The following SAMD4A variants were observed in gnomAD, a reference collection of about 807,000 sequenced individuals.
SAMD4A encodes sterile alpha motif domain containing 4A.
SAMD4A carries 33 observed loss-of-function variants against 81.3 expected under a neutral mutation model. The ratio of observed to expected loss-of-function variants is 0.41; its 90% CI spans 0.31 to 0.54. The LOEUF (loss-of-function observed/expected upper bound fraction) is 0.54. Among genes scored for constraint, SAMD4A ranks in the 20% least tolerant of loss-of-function variants. The pLI, the probability that SAMD4A is intolerant of heterozygous loss-of-function variation, is 0.37. For missense variants in SAMD4A, 854 were observed against 951.1 expected, an observed-to-expected ratio of 0.90 and a Z score of 1.34; for synonymous variants, 389 against 382.1, an observed-to-expected ratio of 1.02 and a Z score of -0.21.
At chr14:54,784,449 T>C (rs2039082405) in intron 11 of SAMD4A, 88 bp from the exon 12 acceptor site, 2 of 1,613,316 alleles carry the variant, frequency 1.2e-6, no homozygotes, top group Non-Finnish European at 1.7e-6. Flanking sequence ...CCCAGGGAGG[T>C]ACACCAGACC....
intron 3 of SAMD4A, among the ~76,000 whole-genome samples, chr14:54,735,476 C>T (rs1031420841): frequency 6.6e-6 from 1 of 152,202 alleles, no homozygotes; most frequent in African/African-American, 2.4e-5. Flanking sequence ...ATACTAAACT[C>T]GGTAGCTCTC....
At chr14:54,736,952 G>T in intron 3 of SAMD4A, 72 bp from the exon 4 acceptor site, 1 of 1,526,742 alleles carries the variant, frequency 6.5e-7, no homozygotes, top group Non-Finnish European at 9.0e-7. Flanking sequence ...GGGTTAAGAG[G>T]TATTGTGGGT....
At chr14:54,763,958 C>T (rs57487588) in intron 7 of SAMD4A, among the ~76,000 whole-genome samples, 3,643 of 152,276 alleles carry the variant, frequency 0.024, 126 homozygotes, top group African/African-American at 0.083. Context: ...AGGCCTCCTG[C>T]ACATGTGCAC....
chr14:54,566,639 G>T (rs2032944023), upstream of SAMD4A, among the ~76,000 whole-genome samples: 1 of 151,718 alleles, frequency 6.6e-6, no homozygotes, highest in Non-Finnish European at 1.5e-5. Context: ...CCGTCCCCTC[G>T]CGGGGCGTGT....
At position 54,739,548 on chromosome 14, in the gene SAMD4A, A is replaced by G. The variant is rs144887842; in HGVS notation, c.979+2261A>G. ...AAAAAAAAAAAAGTTTGAAGGAAGA[A>G]ACATTATAGATGATGAAGGATTCTA... On this transcript the variant is annotated intron_variant, in intron 4 of 12. Transcript: ENST00000554335. Among the ~76,000 whole-genome samples the G allele has an allele frequency of 9.8e-5, 15 of 152,312 alleles. No homozygotes were observed. In the East Asian group the frequency reaches 2.9e-3, roughly 29 times the overall value.
intron 2 of SAMD4A, among the ~76,000 whole-genome samples, chr14:54,597,014 A>G (rs914217257): frequency 7.9e-5 from 12 of 152,112 alleles, no homozygotes; most frequent in African/African-American, 2.7e-4. Context: ...GTTTTGTTTC[A>G]TGCCCATTGC....
intron 2 of SAMD4A, among the ~76,000 whole-genome samples, chr14:54,606,384 G>A (rs2034206490): frequency 6.6e-6 from 1 of 152,240 alleles, no homozygotes; most frequent in Non-Finnish European, 1.5e-5. Context: ...TGTTTGCAAA[G>A]TGTTGCTTGG....
chr14:54,717,287 A>T (rs2037142123), intron 3 of SAMD4A, among the ~76,000 whole-genome samples: 1 of 151,914 alleles, frequency 6.6e-6, no homozygotes, highest in Admixed American at 6.6e-5. Flanking sequence ...ACAAAAAAAT[A>T]AAAAATTAGC....
rs1594907536 is a variant in SAMD4A at position 54,760,287 on chromosome 14, C to G, written c.1303C>G (p.Pro435Ala). 1 of 1,611,986 alleles carries G rather than the reference C, an allele frequency of 6.2e-7. No homozygotes were observed. Among genetic ancestry groups the G allele is most frequent in the Non-Finnish European group, 8.5e-7 (1 of 1,179,706 alleles). Reference sequence around the variant, plus strand: ...GGCTCGCCGCCGGGAGCCCCAGGCCCCGCGTCAGCCCTCACTGATGGGCCC... The same window carrying G: ...GGCTCGCCGCCGGGAGCCCCAGGCCGCGCGTCAGCCCTCACTGATGGGCCC... ...PEARRREPQA[P>A]RQPSLMGPES... is the part of the protein sequence containing the mutation. The change falls in exon 7 of 13, where the codon CCG (proline) becomes GCG (alanine). Residue 435 changes from proline to alanine, a missense_variant. Pro to Ala is a conservative substitution (Grantham distance 27). This residue lies in a region of SAMD4A where 428 missense variants were observed against 471.2 expected (regional missense o/e 0.91). Transcript: ENST00000554335.
rs534320294 is a variant in SAMD4A at position 54,780,089 on chromosome 14, C to A, written c.2044+3549C>A. Among the ~76,000 whole-genome samples the A allele has an allele frequency of 4.6e-5, 7 of 152,262 alleles. No homozygotes were observed. The South Asian group carries it at 1.5e-3, about 32-fold the overall frequency. On this transcript the variant is annotated intron_variant, in intron 11 of 12. Transcript: ENST00000554335. Reference sequence around the variant, plus strand: ...TCAACAGTAGGAGATCATGGAGGTTCTTTACCCCCTGGAGGGCCTAACAGA... The same window carrying A: ...TCAACAGTAGGAGATCATGGAGGTTATTTACCCCCTGGAGGGCCTAACAGA...
At chr14:54,730,281 T>C (rs948666802) in intron 3 of SAMD4A, among the ~76,000 whole-genome samples, 1 of 152,208 alleles carries the variant, frequency 6.6e-6, no homozygotes, top group African/African-American at 2.4e-5. Flanking sequence ...CGAGATGTCA[T>C]GGGGGAAAGA....
chr14:54,683,376 T>C (rs998233075), intron 2 of SAMD4A, among the ~76,000 whole-genome samples: 5 of 152,170 alleles, frequency 3.3e-5, no homozygotes, highest in Non-Finnish European at 7.4e-5. Context: ...TCTAAGATCA[T>C]GACTAAAAGG....
chr14:54,688,254 T>C (rs1252598495), intron 2 of SAMD4A: 1 of 985,406 alleles, frequency 1.0e-6, no homozygotes, highest in African/African-American at 1.7e-5. Flanking sequence ...GACCAGTGAG[T>C]TGATACCAAA....
intron 2 of SAMD4A, among the ~76,000 whole-genome samples, chr14:54,699,928 G>A (rs2036670314): frequency 6.6e-6 from 1 of 152,192 alleles, no homozygotes; most frequent in South Asian, 2.1e-4. Context: ...TCTACAAGTA[G>A]TTGACTCTTT....
intron 2 of SAMD4A, among the ~76,000 whole-genome samples, chr14:54,634,759 G>A (rs145131147): frequency 0.52 from 73,027 of 140,496 alleles, 18,393 homozygotes; most frequent in East Asian, 0.78. Flanking sequence ...CTGTCTGTCT[G>A]TCTATCTATC....
chr14:54,661,384 CTGG>C (rs2035639436), intron 2 of SAMD4A, among the ~76,000 whole-genome samples: 1 of 152,180 alleles, frequency 6.6e-6, no homozygotes, highest in African/African-American at 2.4e-5. Context: ...AGCTGTGCCC[CTGG>C]TATGCCTGCT....
chr14:54,710,715 G>C (rs1314007245), intron 3 of SAMD4A, among the ~76,000 whole-genome samples: 1 of 150,788 alleles, frequency 6.6e-6, no homozygotes, highest in Non-Finnish European at 1.5e-5. Flanking sequence ...CTCTGAAGCA[G>C]GGAGCAGTCT....
At chr14:54,756,604 T>C (rs1223291280) in intron 6 of SAMD4A, among the ~76,000 whole-genome samples, 1 of 152,076 alleles carries the variant, frequency 6.6e-6, no homozygotes. Context: ...GATGGGTGCA[T>C]GAGAGGAGGA....
At chr14:54,726,106 T>C (rs936235169) in intron 3 of SAMD4A, among the ~76,000 whole-genome samples, 4 of 152,030 alleles carry the variant, frequency 2.6e-5, no homozygotes, top group African/African-American at 9.7e-5. Flanking sequence ...TTTTACCATT[T>C]GTGAGTTGGT....
Sources: allele counts gnomAD v4.1 joint callset (sites outside exome capture counted in the v4.1 genomes callset), GRCh38; gene constraint gnomAD v4.1.1; regional missense constraint gnomAD v4.1.1; transcripts MANE v1.5; gene names NCBI Gene and HGNC (gene_info 2026-07-23, HGNC 2026-07-21).